The following CFDP1 variants were observed in gnomAD, a reference collection of about 807,000 sequenced individuals.
CFDP1 encodes chromatin remodeling protein CFDP1.
Under a neutral mutation model 40.1 loss-of-function variants are expected in CFDP1, and 31 were observed. The observed-to-expected ratio is 0.77, with a 90% CI of 0.58 to 1.04. CFDP1 has a LOEUF of 1.04. Ranked by LOEUF, CFDP1 falls within the 50% of genes least tolerant of loss-of-function variation. CFDP1 has a pLI of 0.00. For missense variants in CFDP1, 423 were observed against 343.4 expected, an observed-to-expected ratio of 1.23 and a Z score of -1.83; for synonymous variants, 167 against 120.0, an observed-to-expected ratio of 1.39 and a Z score of -2.56.
At chr16:75,332,994 G>C (rs1404901875) in intron 5 of CFDP1, among the ~76,000 whole-genome samples, 3 of 151,720 alleles carry the variant, frequency 2.0e-5, no homozygotes, top group African/African-American at 4.8e-5. Flanking sequence ...TTTCAGTAGA[G>C]ATGGGGTTTC....
In CFDP1 at chr16:75,326,850, G is replaced by A. The variant is rs148109205; in HGVS notation, c.651-21668C>T. Among the ~76,000 whole-genome samples the A allele has an allele frequency of 3.5e-3, 526 of 152,202 alleles. 2 individuals are homozygous for A. Among genetic ancestry groups the A allele is most frequent in the African/African-American group, 0.012 (489 of 41,532 alleles). On this transcript the variant is annotated intron_variant, in intron 5 of 6. Coordinates refer to ENST00000283882, the MANE Select transcript of CFDP1 (RefSeq NM_006324.3). ...AGGGAAAGCATCTTTCACCTATAACGTTATACCCAGAAAACCACAAATAAC... is the reference window on the plus strand; with the variant it reads ...AGGGAAAGCATCTTTCACCTATAACATTATACCCAGAAAACCACAAATAAC...
intron 1 of CFDP1, among the ~76,000 whole-genome samples, chr16:75,425,538 G>A (rs1356953553): frequency 6.6e-6 from 1 of 151,974 alleles, no homozygotes; most frequent in South Asian, 2.1e-4. Context: ...TGGAAACAGA[G>A]GCCCAGAAAT....
intron 1 of CFDP1, among the ~76,000 whole-genome samples, chr16:75,426,980 G>A (rs562315920): frequency 1.4e-4 from 21 of 151,500 alleles, no homozygotes; most frequent in African/African-American, 4.1e-4. Context: ...GCTTGAACCC[G>A]GGAGGTGGAG....
At chr16:75,387,999 G>A (rs10514394) in intron 5 of CFDP1, among the ~76,000 whole-genome samples, 1 of 152,156 alleles carries the variant, frequency 6.6e-6, no homozygotes, top group Non-Finnish European at 1.5e-5. Context: ...TGAAATTGAG[G>A]AGAGACTCTT....
At chr16:75,376,660 T>A (rs1191791673) in intron 5 of CFDP1, among the ~76,000 whole-genome samples, 1 of 152,148 alleles carries the variant, frequency 6.6e-6, no homozygotes, top group African/African-American at 2.4e-5. Flanking sequence ...TTATCTTGGA[T>A]AGTGGCTATG....
At chr16:75,407,412 C>A (rs1016100489) in intron 4 of CFDP1, among the ~76,000 whole-genome samples, 3 of 151,990 alleles carry the variant, frequency 2.0e-5, no homozygotes, top group South Asian at 2.1e-4. Context: ...TGTGGTGGCT[C>A]ATACTTGTAA....
At chr16:75,341,190 T>C (rs1419480676) in intron 5 of CFDP1, among the ~76,000 whole-genome samples, 4 of 152,198 alleles carry the variant, frequency 2.6e-5, no homozygotes, top group African/African-American at 9.6e-5. Flanking sequence ...CACCAGTTTT[T>C]AAATGAATTT....
intron 5 of CFDP1, among the ~76,000 whole-genome samples, chr16:75,311,618 A>C (rs562867323): frequency 2.1e-4 from 32 of 152,194 alleles, no homozygotes; most frequent in Non-Finnish European, 4.3e-4. Flanking sequence ...CCAAACTTCA[A>C]CACGTGAAGG....
chr16:75,387,295 C>A (rs971912227), intron 5 of CFDP1, among the ~76,000 whole-genome samples: 21 of 152,176 alleles, frequency 1.4e-4, no homozygotes, highest in Non-Finnish European at 2.4e-4. Context: ...CGCCCACCAC[C>A]ACGCCCGGAG....
chr16:75,412,447 G>A, intron 3 of CFDP1, 88 bp downstream of exon 3: 1 of 952,996 alleles, frequency 1.0e-6, no homozygotes, highest in Non-Finnish European at 1.7e-6. Flanking sequence ...GTTATCAAAA[G>A]GCATCTGGTC....
chr16:75,373,625 T>G (rs2151541762), intron 5 of CFDP1, among the ~76,000 whole-genome samples: 1 of 152,206 alleles, frequency 6.6e-6, no homozygotes, highest in African/African-American at 2.4e-5. Context: ...ATTCAAAGGG[T>G]TTGCTTCCCT....
In CFDP1 at chr16:75,421,094, G is replaced by A. The variant is rs187919238; in HGVS notation, c.65-6399C>T. Among the ~76,000 whole-genome samples, 5 of 152,254 alleles carry A rather than the reference G, an allele frequency of 3.3e-5. No individual in the cohort carries two copies. The East Asian group carries it at 9.7e-4, about 29-fold the overall frequency. ...AATCTCCGGCCAGCCAGCAGACTAG[G>A]AGGCATGCGCACTGGGGTGGAGCCA... is the stretch of plus-strand genomic sequence containing the variant. On this transcript the variant is annotated intron_variant, in intron 1 of 6. Coordinates refer to ENST00000283882, the MANE Select transcript of CFDP1 (RefSeq NM_006324.3).
chr16:75,389,383 G>C (rs1421910200), intron 5 of CFDP1, among the ~76,000 whole-genome samples: 2 of 152,230 alleles, frequency 1.3e-5, no homozygotes, highest in Non-Finnish European at 2.9e-5. Context: ...TCTAATTAAA[G>C]TAGGGCTTAT....
At position 75,433,448 on chromosome 16, in the gene CFDP1, C is replaced by T. The variant is rs1005799471; in HGVS notation, c.-96G>A. The T allele has an allele frequency of 4.0e-6, 5 of 1,264,598 alleles. No homozygotes were observed. The East Asian group carries it at 1.3e-4, about 32-fold the overall frequency. 78.3% of individuals were successfully genotyped at this position (1,264,598 alleles called of 1,614,324 possible). On this transcript the variant is annotated 5_prime_UTR_variant, in exon 1 of 7. Coordinates refer to ENST00000283882, the MANE Select transcript of CFDP1 (RefSeq NM_006324.3). ...AGAGACCATAGAGCCCCGGCGGCGG[C>T]GACGGCAGCTAGGGCGGCCCCCGAC...
chr16:75,346,766 G>A (rs1232799375), intron 5 of CFDP1, among the ~76,000 whole-genome samples: 1 of 147,202 alleles, frequency 6.8e-6, no homozygotes, highest in African/African-American at 2.5e-5. Flanking sequence ...AGATTGATAT[G>A]CCATCCAAAC....
At chr16:75,328,599 TA>T (rs534769130) in intron 5 of CFDP1, among the ~76,000 whole-genome samples, 242 of 63,922 alleles carry the variant, frequency 3.8e-3, no homozygotes, top group African/African-American at 0.012. Context: ...AACTCTGTCT[TA>T]AAAAAAAAAA....
intron 5 of CFDP1, among the ~76,000 whole-genome samples, chr16:75,378,453 G>A (rs1293826204): frequency 6.6e-6 from 1 of 151,836 alleles, no homozygotes; most frequent in Non-Finnish European, 1.5e-5. Flanking sequence ...AAAACTAAAA[G>A]GATAAGAACT....
intron 6 of CFDP1, among the ~76,000 whole-genome samples, chr16:75,301,587 C>T (rs1235795313): frequency 3.0e-5 from 3 of 98,868 alleles, no homozygotes; most frequent in African/African-American, 3.9e-5. Context: ...GGGTCTTTCT[C>T]TGTTGTCCAG....
intron 1 of CFDP1, among the ~76,000 whole-genome samples, chr16:75,429,322 T>C (rs1475108533): frequency 1.3e-5 from 2 of 152,088 alleles, no homozygotes; most frequent in Non-Finnish European, 2.9e-5. Context: ...CAATTACGCC[T>C]GAGGGGCATG....
Sources: gnomAD v4.1 joint callset for allele counts (sites outside exome capture counted in the v4.1 genomes callset) on GRCh38, gnomAD v4.1.1 for gene constraint, MANE v1.5 for transcripts, NCBI Gene and HGNC (gene_info 2026-07-23, HGNC 2026-07-21) for gene names.